Variants in DGKB observed in about 807,000 individuals in gnomAD.
The protein encoded by DGKB is diacylglycerol kinase beta.
Under a neutral mutation model 114.3 loss-of-function variants are expected in DGKB, and 67 were observed. The observed-to-expected ratio is 0.59, with a 90% CI of 0.48 to 0.72. DGKB has a LOEUF of 0.72. Ranked by LOEUF, DGKB falls within the 30% of genes least tolerant of loss-of-function variation. The pLI is 0.00. For synonymous variants in DGKB, 398 were observed against 323.1 expected, an observed-to-expected ratio of 1.23 and a Z score of -2.49; for missense variants, 907 against 975.2, an observed-to-expected ratio of 0.93 and a Z score of 0.93.
intron 20 of DGKB, among the ~76,000 whole-genome samples, chr7:14,490,592 G>A (rs1422642991): frequency 6.6e-6 from 1 of 152,086 alleles, no homozygotes; most frequent in Non-Finnish European, 1.5e-5. Flanking sequence ...AAGTTGAAAA[G>A]GGGGACAAAA....
chr7:14,366,866 A>G (rs1004561985), intron 21 of DGKB, among the ~76,000 whole-genome samples: 1 of 152,152 alleles, frequency 6.6e-6, no homozygotes, highest in African/African-American at 2.4e-5. Context: ...TATTGTGTCA[A>G]AATTGTAGAA....
At chr7:14,246,094 G>C (rs1336463319) in intron 23 of DGKB, among the ~76,000 whole-genome samples, 4 of 152,078 alleles carry the variant, frequency 2.6e-5, no homozygotes, top group Admixed American at 2.6e-4. Context: ...GCCTTAATAG[G>C]GGACATTTCT....
chr7:14,171,218 A>T (rs1386413963), intron 25 of DGKB, among the ~76,000 whole-genome samples: 1 of 152,188 alleles, frequency 6.6e-6, no homozygotes, highest in Non-Finnish European at 1.5e-5. Context: ...AAACATACAT[A>T]AATGTTTTCT....
chr7:14,808,726 C>T (rs1163964444), intron 2 of DGKB, among the ~76,000 whole-genome samples: 1 of 152,088 alleles, frequency 6.6e-6, no homozygotes. Flanking sequence ...TCATAGGTGT[C>T]ATTTGGCCAG....
chr7:14,163,358 G>T (rs779640967), intron 25 of DGKB, among the ~76,000 whole-genome samples: 1 of 152,094 alleles, frequency 6.6e-6, no homozygotes, highest in African/African-American at 2.4e-5. Flanking sequence ...AACAACAATT[G>T]TTATGAAATT....
At chr7:14,589,727 A>C (rs1189365) in intron 17 of DGKB, among the ~76,000 whole-genome samples, 101,712 of 151,820 alleles carry the variant, frequency 0.67, 34,660 homozygotes, top group African/African-American at 0.78. Context: ...ATCATTCTTG[A>C]AATCCTTTCA....
intron 20 of DGKB, among the ~76,000 whole-genome samples, chr7:14,481,557 T>C (rs796490806): frequency 3.3e-5 from 5 of 152,110 alleles, no homozygotes; most frequent in African/African-American, 1.2e-4. Context: ...GATTTGACCA[T>C]TGCACCACAT....
At chr7:14,567,596 T>C (rs566717754) in intron 20 of DGKB, among the ~76,000 whole-genome samples, 28 of 109,400 alleles carry the variant, frequency 2.6e-4, no homozygotes, top group Non-Finnish European at 4.5e-4. Context: ...TAAATAAAGA[T>C]ATATATATAT....
chr7:14,811,571 A>C (rs1301633522), intron 2 of DGKB, among the ~76,000 whole-genome samples: 1 of 152,174 alleles, frequency 6.6e-6, no homozygotes, highest in Non-Finnish European at 1.5e-5. Flanking sequence ...TATGATTTGT[A>C]ATTATTCCAA....
At chr7:14,652,819 C>T (rs574836696) in intron 13 of DGKB, among the ~76,000 whole-genome samples, 7 of 152,208 alleles carry the variant, frequency 4.6e-5, no homozygotes, top group East Asian at 3.9e-4. Flanking sequence ...AAAAAACAAA[C>T]AACCCCATCA....
intron 6 of DGKB, among the ~76,000 whole-genome samples, chr7:14,710,552 G>C (rs1056623120): frequency 9.2e-5 from 14 of 152,012 alleles, no homozygotes; most frequent in African/African-American, 3.4e-4. Flanking sequence ...TAGAGTAGTG[G>C]CCATTCTTGT....
chr7:14,613,341 G>A lies in DGKB; in HGVS notation c.1357C>T (p.Arg453Ter), dbSNP rs1282835032. ...ACTAAAATCAATCAAAAAACATACC[G>A]TTCTCCTTGTTTTCCACCACTTTTG... The part of the protein sequence containing the change: ...NPKSGGKQGE[R>*]IYRKFQYLLN... The change falls in exon 16 of 26, where the codon CGA becomes TGA. Residue 453 changes from arginine (R) to a stop codon, truncating the protein, a stop_gained and splice_region_variant. Transcript: ENST00000402815. LOFTEE classifies it high-confidence loss of function. 15 of 1,555,670 alleles carry A rather than the reference G, an allele frequency of 9.6e-6. No homozygotes were observed. The Admixed American group carries it at 1.5e-4, about 16-fold the overall frequency.
Position 14,849,813 on chromosome 7 carries a change from T to G in DGKB, c.-187-8363A>C, listed in dbSNP as rs184692236. On this transcript the variant is annotated intron_variant, in intron 1 of 25. Transcript: ENST00000402815. ...CCACCACTGATCAGTCTCACCAATT[T>G]CAAACAATCTCAAGAGGCACAGAGC... Among the ~76,000 whole-genome samples the G allele has an allele frequency of 3.3e-5, 5 of 152,142 alleles. No homozygotes were observed. The East Asian group carries it at 7.7e-4, about 24-fold the overall frequency.
intron 23 of DGKB, among the ~76,000 whole-genome samples, chr7:14,268,212 C>T (rs1401964420): frequency 1.4e-4 from 3 of 22,034 alleles, no homozygotes. Context: ...GTCACTGTAC[C>T]ACACACACAC....
chr7:14,858,215 C>T (rs1475334490), intron 1 of DGKB, among the ~76,000 whole-genome samples: 1 of 152,126 alleles, frequency 6.6e-6, no homozygotes, highest in Admixed American at 6.6e-5. Context: ...TGCCACAATA[C>T]AATGCTGCTT....
intron 25 of DGKB, among the ~76,000 whole-genome samples, chr7:14,175,103 T>C (rs1781530386): frequency 6.6e-6 from 1 of 152,222 alleles, no homozygotes; most frequent in Non-Finnish European, 1.5e-5. Flanking sequence ...ACTAAGGTTG[T>C]TTACAGTAGT....
chr7:14,771,275 G>T (rs1837361794), intron 2 of DGKB, among the ~76,000 whole-genome samples: 1 of 152,064 alleles, frequency 6.6e-6, no homozygotes, highest in South Asian at 2.1e-4. Flanking sequence ...CAAGCTCTGG[G>T]AAACTGTAAT....
At chr7:14,413,641 A>G (rs114008814) in intron 21 of DGKB, among the ~76,000 whole-genome samples, 2,134 of 152,114 alleles carry the variant, frequency 0.014, 48 homozygotes, top group African/African-American at 0.047. Flanking sequence ...AAACCAAGGG[A>G]AAAAGGGGGT....
intron 6 of DGKB, among the ~76,000 whole-genome samples, chr7:14,713,382 C>T (rs906211328): frequency 3.3e-5 from 5 of 151,786 alleles, no homozygotes; most frequent in Non-Finnish European, 7.4e-5. Context: ...CTTTTTTCCA[C>T]TCTTGTATAT....
Sources: allele counts gnomAD v4.1 joint callset (sites outside exome capture counted in the v4.1 genomes callset), GRCh38; gene constraint gnomAD v4.1.1; transcripts MANE v1.5; gene names NCBI Gene and HGNC (gene_info 2026-07-23, HGNC 2026-07-21).